DCDC1: variants seen among roughly 807,000 people sequenced by gnomAD.
The protein encoded by DCDC1 is doublecortin domain containing 1.
In DCDC1, 200 loss-of-function variants were observed where a neutral mutation model predicts 178.3. The ratio of observed to expected loss-of-function variants is 1.12; its 90% confidence interval spans 1.00 to 1.26. DCDC1 has a LOEUF of 1.26. DCDC1 is among the 50% of genes most tolerant of loss of function. The pLI, the probability that DCDC1 is intolerant of heterozygous loss-of-function variation, is 0.00. For synonymous variants in DCDC1, 690 were observed against 604.8 expected (o/e 1.14, Z -2.07); for missense variants, 1,983 against 1,749.2 (o/e 1.13, Z -2.38).
chr11:31,339,538 A>G (rs1453432506), intron 1 of DCDC1, among the ~76,000 whole-genome samples: 1 of 152,216 alleles, frequency 6.6e-6, no homozygotes, highest in East Asian at 1.9e-4. Flanking sequence ...TGCTAGTAAT[A>G]CCTGAATTAA....
At chr11:31,258,549 C>T (rs1187213172) in intron 8 of DCDC1, among the ~76,000 whole-genome samples, 2 of 152,070 alleles carry the variant, frequency 1.3e-5, no homozygotes, top group African/African-American at 4.8e-5. Context: ...TTAAACATTG[C>T]AGAAAAAGAA....
At chr11:30,908,818 T>C (rs944288800) in intron 29 of DCDC1, 128 bp downstream of exon 29, 14 of 714,090 alleles carry the variant, frequency 2.0e-5, no homozygotes, top group South Asian at 3.4e-5. Flanking sequence ...CTAAGTGATT[T>C]CACTCAAAAA....
chr11:30,884,898 C>G (rs996218252), intron 36 of DCDC1, among the ~76,000 whole-genome samples: 16 of 152,028 alleles, frequency 1.1e-4, no homozygotes, highest in Non-Finnish European at 2.2e-4. Context: ...AATACAACTT[C>G]AGTCAAAATC....
chr11:30,978,779 AACACACACACACACACACACAC>A (rs56058117), intron 20 of DCDC1, among the ~76,000 whole-genome samples: 64,001 of 118,912 alleles, frequency 0.54, 15,222 homozygotes, highest in Middle Eastern at 0.68. Context: ...GTCCCCCCTC[AACACACACACACACACACACAC>A]ACACACACAC....
intron 20 of DCDC1, among the ~76,000 whole-genome samples, chr11:31,014,944 C>T (rs969695677): frequency 4.0e-5 from 6 of 151,646 alleles, no homozygotes; most frequent in Admixed American, 6.6e-5. Flanking sequence ...CTAACATTCT[C>T]CTTTTCTTTT....
intron 18 of DCDC1, 35 bp downstream of exon 18, chr11:31,077,830 T>G (rs757176017): frequency 1.3e-6 from 1 of 762,226 alleles, no homozygotes. Flanking sequence ...ATAGAAAAAC[T>G]TAGGCATAAA....
At chr11:31,343,371 A>T (rs956398226) in intron 1 of DCDC1, among the ~76,000 whole-genome samples, 5 of 152,106 alleles carry the variant, frequency 3.3e-5, no homozygotes, top group Admixed American at 2.0e-4. Context: ...CAATGGCACA[A>T]TCTTGACTCA....
intron 9 of DCDC1, among the ~76,000 whole-genome samples, chr11:31,205,113 C>T (rs1415982628): frequency 1.3e-5 from 2 of 152,170 alleles, no homozygotes; most frequent in African/African-American, 4.8e-5. Context: ...TGGAGGAATT[C>T]TGGGTAACAA....
At chr11:31,206,908 C>T (rs1971931822) in intron 9 of DCDC1, among the ~76,000 whole-genome samples, 1 of 152,136 alleles carries the variant, frequency 6.6e-6, no homozygotes, top group East Asian at 1.9e-4. Flanking sequence ...CAGGTAATTT[C>T]ATAAAACATT....
At chr11:31,359,727 C>T (rs1446565064) in intron 1 of DCDC1, among the ~76,000 whole-genome samples, 1 of 152,170 alleles carries the variant, frequency 6.6e-6, no homozygotes, top group East Asian at 1.9e-4. Flanking sequence ...AAATCCTAAA[C>T]TCTTTTCTGT....
Position 31,307,634 on chromosome 11 carries a change from A to G in DCDC1, c.434+5T>C. ...TTAAAAAGAACAGAGAACAGCTTTGATTACCTCAGTTGACCCACTGGAGCA... is the reference window on the plus strand; with the variant it reads ...TTAAAAAGAACAGAGAACAGCTTTGGTTACCTCAGTTGACCCACTGGAGCA... On this transcript the variant is annotated splice_donor_5th_base_variant and intron_variant, in intron 4 of 38. Transcript: ENST00000684477. 2 of 1,613,758 alleles carry G rather than the reference A, an allele frequency of 1.2e-6. No individual in the cohort carries two copies. The highest frequency in any genetic ancestry group is 1.7e-6 in the Non-Finnish European group (2 of 1,179,766).
chr11:31,070,849 C>T (rs893102161), intron 18 of DCDC1, among the ~76,000 whole-genome samples: 2 of 152,144 alleles, frequency 1.3e-5, no homozygotes, highest in Non-Finnish European at 2.9e-5. Flanking sequence ...TGGACCTCCA[C>T]AGGAGTGCTT....
intron 7 of DCDC1, among the ~76,000 whole-genome samples, chr11:31,284,580 A>C (rs1311623141): frequency 6.6e-6 from 1 of 152,096 alleles, no homozygotes; most frequent in African/African-American, 2.4e-5. Context: ...TAAAAACTAT[A>C]AAATAATTTT....
intron 9 of DCDC1, among the ~76,000 whole-genome samples, chr11:31,213,730 CA>C (rs1031557690): frequency 8.6e-5 from 12 of 140,306 alleles, no homozygotes; most frequent in East Asian, 4.1e-4. Flanking sequence ...AAAAAAAAAA[CA>C]AAAAAAAAAG....
At chr11:30,975,244 T>C (rs1167212706) in intron 20 of DCDC1, among the ~76,000 whole-genome samples, 5 of 151,892 alleles carry the variant, frequency 3.3e-5, no homozygotes, top group Admixed American at 3.3e-4. Context: ...AGGCAACATA[T>C]GACAAACCCA....
intron 9 of DCDC1, among the ~76,000 whole-genome samples, chr11:31,213,558 A>G (rs1365722875): frequency 6.6e-6 from 1 of 151,854 alleles, no homozygotes; most frequent in Non-Finnish European, 1.5e-5. Context: ...CATCTTTATT[A>G]AAAATACAAA....
intron 20 of DCDC1, among the ~76,000 whole-genome samples, chr11:30,968,487 T>G (rs1026105361): frequency 2.0e-5 from 3 of 151,812 alleles, no homozygotes; most frequent in African/African-American, 7.3e-5. Flanking sequence ...AGAGACCACA[T>G]TCACATAACC....
intron 9 of DCDC1, among the ~76,000 whole-genome samples, chr11:31,185,974 C>T (rs1263242460): frequency 6.6e-6 from 1 of 152,142 alleles, no homozygotes; most frequent in Non-Finnish European, 1.5e-5. Context: ...ATATGCCCTT[C>T]ATTTTCTCGT....
chr11:31,165,647 T>C (rs961424843), intron 9 of DCDC1, among the ~76,000 whole-genome samples: 1 of 152,200 alleles, frequency 6.6e-6, no homozygotes, highest in African/African-American at 2.4e-5. Flanking sequence ...TTAGAACTTT[T>C]TGTACATGTC....
Sources: allele counts gnomAD v4.1 joint callset (sites outside exome capture counted in the v4.1 genomes callset), GRCh38; gene constraint gnomAD v4.1.1; transcripts MANE v1.5; gene names NCBI Gene and HGNC (gene_info 2026-07-23, HGNC 2026-07-21).